ROBO1: variants seen among roughly 807,000 people sequenced by gnomAD.
ROBO1 encodes roundabout guidance receptor 1, also known as roundabout homolog 1.
ROBO1 carries 149 observed loss-of-function variants against 195.9 expected under a neutral mutation model. The ratio of observed to expected loss-of-function variants is 0.76; its 90% CI spans 0.67 to 0.87. The LOEUF is 0.87. ROBO1 is among the 40% of genes least tolerant of loss of function. The probability of loss-of-function intolerance (pLI) is 0.00; values close to 1 mark genes in which losing one functional copy is unlikely to be tolerated. For synonymous variants in ROBO1, 816 were observed against 733.2 expected (o/e 1.11, Z -1.82); for missense variants, 1,933 against 2,068.3 (o/e 0.93, Z 1.27).
rs145608361 is a variant in ROBO1 at position 78,972,045 on chromosome 3, C to T, written c.173-33118G>A. ...CCTCCCAAAGTGCTGGGATTACAGGCGTGAGCCGCCGCGCCCGGCCTTAAA... is the reference window on the plus strand; with the variant it reads ...CCTCCCAAAGTGCTGGGATTACAGGTGTGAGCCGCCGCGCCCGGCCTTAAA... On this transcript the variant is annotated intron_variant, in intron 3 of 30. Transcript: ENST00000464233. Among the ~76,000 whole-genome samples, 181 of 152,290 alleles carry T rather than the reference C, an allele frequency of 1.2e-3. 5 individuals are homozygous for T. In the East Asian group the frequency reaches 0.029, roughly 25 times the overall value.
At chr3:78,744,842 T>A (rs969043864) in intron 5 of ROBO1, among the ~76,000 whole-genome samples, 1 of 152,200 alleles carries the variant, frequency 6.6e-6, no homozygotes, top group African/African-American at 2.4e-5. Flanking sequence ...ATGTTACACT[T>A]ATTTATTTTG....
chr3:79,426,693 C>T (rs943356256), intron 2 of ROBO1, among the ~76,000 whole-genome samples: 4 of 152,066 alleles, frequency 2.6e-5, no homozygotes, highest in Non-Finnish European at 4.4e-5. Flanking sequence ...TTCTATCATG[C>T]CTATCTCACA....
intron 10 of ROBO1, among the ~76,000 whole-genome samples, chr3:78,675,632 C>CAGG (rs1708372431): frequency 6.6e-6 from 1 of 152,156 alleles, no homozygotes; most frequent in African/African-American, 2.4e-5. Context: ...CCTGCCATTG[C>CAGG]CGAGTTAGTT....
intron 8 of ROBO1, among the ~76,000 whole-genome samples, chr3:78,699,695 C>T (rs1473241852): frequency 6.6e-6 from 1 of 151,894 alleles, no homozygotes; most frequent in Non-Finnish European, 1.5e-5. Flanking sequence ...AAACTAAATT[C>T]TTAACGTGGC....
intron 1 of ROBO1, among the ~76,000 whole-genome samples, chr3:79,625,798 A>T (rs1018623383): frequency 2.0e-5 from 3 of 152,160 alleles, no homozygotes; most frequent in African/African-American, 7.2e-5. Flanking sequence ...AACTGGTACG[A>T]TTCCTTCTGA....
chr3:78,902,720 G>A (rs188028410), intron 4 of ROBO1, among the ~76,000 whole-genome samples: 2 of 152,188 alleles, frequency 1.3e-5, no homozygotes, highest in Admixed American at 1.3e-4. Flanking sequence ...GCAGGCACCT[G>A]TAATCCCAGC....
At chr3:78,657,919 A>T (rs1478533824) in intron 17 of ROBO1, among the ~76,000 whole-genome samples, 1 of 152,234 alleles carries the variant, frequency 6.6e-6, no homozygotes, top group Non-Finnish European at 1.5e-5. Flanking sequence ...GATTTTATTC[A>T]ACCTCTGGTA....
At chr3:79,061,027 AG>A (rs1447326699) in intron 3 of ROBO1, among the ~76,000 whole-genome samples, 1 of 152,142 alleles carries the variant, frequency 6.6e-6, no homozygotes, top group Non-Finnish European at 1.5e-5. Context: ...AAATAAATAA[AG>A]GGTATTTGGT....
intron 2 of ROBO1, among the ~76,000 whole-genome samples, chr3:79,578,635 A>AT (rs1943567959): frequency 2.0e-5 from 3 of 152,260 alleles, no homozygotes; most frequent in Admixed American, 6.5e-5. Flanking sequence ...CTGGAGCTAT[A>AT]TTTTTTCTAC....
At chr3:79,392,914 CAAATTATG>C (rs2037009491) in intron 2 of ROBO1, among the ~76,000 whole-genome samples, 1 of 152,168 alleles carries the variant, frequency 6.6e-6, no homozygotes, top group African/African-American at 2.4e-5. Flanking sequence ...CCCAAGGTCA[CAAATTATG>C]AAGAGCTGTC....
At chr3:78,808,102 C>A (rs994411359) in intron 4 of ROBO1, among the ~76,000 whole-genome samples, 4 of 152,120 alleles carry the variant, frequency 2.6e-5, no homozygotes, top group African/African-American at 9.7e-5. Context: ...TAAAAAATAA[C>A]TTATTTCATA....
At chr3:78,949,748 T>C (rs1347490000) in intron 3 of ROBO1, among the ~76,000 whole-genome samples, 1 of 152,118 alleles carries the variant, frequency 6.6e-6, no homozygotes, top group Non-Finnish European at 1.5e-5. Context: ...GAGAAAATTT[T>C]CGCAACCTAC....
chr3:79,185,038 C>A (rs2081413602), intron 2 of ROBO1, among the ~76,000 whole-genome samples: 1 of 152,180 alleles, frequency 6.6e-6, no homozygotes, highest in African/African-American at 2.4e-5. Flanking sequence ...AGCTCGGTTT[C>A]TTTCTCTGTA....
In ROBO1 at chr3:79,060,568, T is replaced by C. The variant is rs2078898423; in HGVS notation, c.172+64888A>G. Reference sequence around the variant, plus strand: ...TAGGGAAAACAGAAAAGAACCTAAGTTGAAATATTGGGGGCTGGTTCCCCC... The same window carrying C: ...TAGGGAAAACAGAAAAGAACCTAAGCTGAAATATTGGGGGCTGGTTCCCCC... On this transcript the variant is annotated intron_variant, in intron 3 of 30. Coordinates refer to ENST00000464233, the MANE Select transcript of ROBO1 (RefSeq NM_002941.4). Among the ~76,000 whole-genome samples the C allele has an allele frequency of 2.0e-5, 3 of 151,828 alleles. No individual in the cohort carries two copies. The South Asian group carries it at 6.2e-4, about 31-fold the overall frequency.
intron 8 of ROBO1, among the ~76,000 whole-genome samples, chr3:78,707,050 A>T (rs1246203522): frequency 6.6e-6 from 1 of 152,108 alleles, no homozygotes; most frequent in Non-Finnish European, 1.5e-5. Flanking sequence ...AAACTTAAAG[A>T]CTCAGACAAA....
At chr3:79,740,583 G>A (rs906101731) in intron 1 of ROBO1, among the ~76,000 whole-genome samples, 4 of 152,078 alleles carry the variant, frequency 2.6e-5, no homozygotes, top group South Asian at 2.1e-4. Context: ...GCCGAGTGCC[G>A]AGCAAAGCAA....
intron 4 of ROBO1, among the ~76,000 whole-genome samples, chr3:78,794,594 T>C (rs950194361): frequency 1.3e-5 from 2 of 152,112 alleles, no homozygotes; most frequent in African/African-American, 2.4e-5. Flanking sequence ...TTTATTTATT[T>C]TGAGGCAGGA....
chr3:78,811,980 A>G (rs1412990960), intron 4 of ROBO1, among the ~76,000 whole-genome samples: 2 of 152,100 alleles, frequency 1.3e-5, no homozygotes, highest in African/African-American at 4.8e-5. Context: ...CACAGTAGGA[A>G]CTATTTAATG....
At chr3:79,342,206 T>A (rs927111632) in intron 2 of ROBO1, among the ~76,000 whole-genome samples, 16 of 152,144 alleles carry the variant, frequency 1.1e-4, no homozygotes, top group Non-Finnish European at 2.4e-4. Context: ...AGACTTGATA[T>A]GGTAGGAGTA....
Sources: gnomAD v4.1 joint callset for allele counts (sites outside exome capture counted in the v4.1 genomes callset) on GRCh38, gnomAD v4.1.1 for gene constraint, MANE v1.5 for transcripts, NCBI Gene and HGNC (gene_info 2026-07-23, HGNC 2026-07-21) for gene names.